PIK3R3: variants seen among roughly 807,000 people sequenced by gnomAD.
PIK3R3 encodes phosphatidylinositol 3-kinase regulatory subunit gamma.
A neutral mutation model predicts 62.9 loss-of-function variants in PIK3R3; 64 were observed. The ratio of observed to expected loss-of-function variants is 1.02; its 90% CI spans 0.83 to 1.25. The LOEUF (loss-of-function observed/expected upper bound fraction) is 1.25. PIK3R3 is among the 50% of genes most tolerant of loss of function. The probability of loss-of-function intolerance (pLI) is 0.00; values close to 1 mark genes in which losing one functional copy is unlikely to be tolerated. For missense variants in PIK3R3, 614 were observed against 561.6 expected, an observed-to-expected ratio of 1.09 and a Z score of -0.94; for synonymous variants, 165 against 189.0, an observed-to-expected ratio of 0.87 and a Z score of 1.04.
intron 1 of PIK3R3, chr1:46,105,177 C>A: frequency 3.3e-6 from 2 of 613,276 alleles, no homozygotes; most frequent in Admixed American, 2.3e-5. Context: ...GATCAGTAAT[C>A]ATCCCAGCTG....
the PIK3R3 span, among the ~76,000 whole-genome samples, chr1:46,152,640 G>A: frequency 7.0e-6 from 1 of 143,590 alleles, no homozygotes; most frequent in Non-Finnish European, 1.5e-5. Context: ...TCTGCTCACT[G>A]CAAGCTCCGC....
intron 1 of PIK3R3, among the ~76,000 whole-genome samples, chr1:46,095,596 T>C (rs1486258469): frequency 1.3e-5 from 2 of 152,056 alleles, no homozygotes; most frequent in Non-Finnish European, 2.9e-5. Flanking sequence ...GTGTAGCAAA[T>C]CACCATGGCA....
chr1:46,138,474 G>T, the PIK3R3 span, among the ~76,000 whole-genome samples: 1 of 140,724 alleles, frequency 7.1e-6, no homozygotes, highest in African/African-American at 2.6e-5. Context: ...AGCCTGAGTA[G>T]CATATGGAGA....
rs1364744688 is a variant in PIK3R3, at chr1:46,066,105, C to T, written c.570G>A (p.Glu190=). The T allele has an allele frequency of 6.2e-7, 1 of 1,601,632 alleles. No homozygotes were observed. Among genetic ancestry groups the T allele is most frequent in the South Asian group, 1.1e-5 (1 of 90,850 alleles). Residue 190 remains glutamate (E), a synonymous_variant, in exon 5 of 10, where the codon GAG becomes GAA. Transcript: ENST00000262741. ...KLQEYHSQYQ[E]KSKEYDRLYE... The stretch of plus-strand genomic sequence containing the variant: ...ACAGCCTATCATACTCTTTACTCTT[C>T]TCCTGATACTGAGAGTGGTATTCTT...
chr1:46,159,088 AAAATAAAT>A, the PIK3R3 span, among the ~76,000 whole-genome samples: 734 of 148,488 alleles, frequency 4.9e-3, 3 homozygotes, highest in East Asian at 0.026. Context: ...CTCCATCTCA[AAAATAAAT>A]AAATAAATAA....
At chr1:46,165,751 CTTTTTTTTTTTTTTTTTTTTTT>C in the PIK3R3 span, among the ~76,000 whole-genome samples, 6 of 39,554 alleles carry the variant, frequency 1.5e-4, 1 homozygote, top group Admixed American at 8.6e-4. Flanking sequence ...CTGCTTTGTC[CTTTTTTTTTTTTTTTTTTTTTT>C]TTTTTTTTTT....
chr1:46,059,927 C>T (rs1229089451), intron 6 of PIK3R3, among the ~76,000 whole-genome samples: 7 of 151,778 alleles, frequency 4.6e-5, no homozygotes, highest in African/African-American at 1.5e-4. Context: ...TGATGAAACC[C>T]TATCTCTACT....
intron 1 of PIK3R3, among the ~76,000 whole-genome samples, chr1:46,111,116 A>T (rs1305938583): frequency 2.0e-5 from 3 of 152,146 alleles, no homozygotes; most frequent in African/African-American, 7.2e-5. Flanking sequence ...ACCTTCACAA[A>T]AGATGTATAG....
rs33975572 is a variant in PIK3R3 at position 46,102,803 on chromosome 1, TAAAAAAAAAAAAAAA to T, written c.107-22068_107-22054del. On this transcript the variant is annotated intron_variant, in intron 1 of 9. Coordinates refer to ENST00000262741, the MANE Select transcript of PIK3R3 (RefSeq NM_003629.4). ...TCCTTCTTATTCTGGGTATATATCTTAAAAAAAAAAAAAAAAAAAAAAAAAAAACCTGAAAGCAGA... is the reference window on the plus strand; with the variant it reads ...TCCTTCTTATTCTGGGTATATATCTTAAAAAAAAAAAAACCTGAAAGCAGA... Among the ~76,000 whole-genome samples the T allele has an allele frequency of 1.6e-4, 9 of 55,770 alleles. No homozygotes were observed. The South Asian group carries it at 2.8e-3, about 17-fold the overall frequency. 36.6% of individuals were successfully genotyped at this position (55,770 alleles called of 152,430 possible). A position where few individuals can be genotyped will look rare whatever the true frequency, so the allele number is the denominator to read the frequency against.
chr1:46,052,647 A>G (rs183833057), intron 7 of PIK3R3, among the ~76,000 whole-genome samples: 2 of 152,146 alleles, frequency 1.3e-5, no homozygotes, highest in East Asian at 3.9e-4. Flanking sequence ...ATAAATAATC[A>G]CTATTTTTAA....
At chr1:46,101,942 A>C (rs1198705700) in intron 1 of PIK3R3, among the ~76,000 whole-genome samples, 3 of 151,262 alleles carry the variant, frequency 2.0e-5, no homozygotes, top group Admixed American at 6.6e-5. Flanking sequence ...AACTTTAAAA[A>C]ATTAACAATG....
chr1:46,136,011 C>T (rs116815628), upstream of PIK3R3, among the ~76,000 whole-genome samples: 936 of 122,558 alleles, frequency 7.6e-3, 5 homozygotes, highest in Middle Eastern at 0.01. Flanking sequence ...GCCTGGACAA[C>T]AGGGCGAGAC....
At chr1:46,098,133 CCCATT>C (rs1255452393) in intron 1 of PIK3R3, among the ~76,000 whole-genome samples, 1 of 152,086 alleles carries the variant, frequency 6.6e-6, no homozygotes, top group Non-Finnish European at 1.5e-5. Context: ...TAAAAAAAAT[CCCATT>C]CCAACAAGCA....
At chr1:46,077,151 T>C (rs1398950324) in intron 3 of PIK3R3, among the ~76,000 whole-genome samples, 1 of 152,228 alleles carries the variant, frequency 6.6e-6, no homozygotes, top group Admixed American at 6.5e-5. Flanking sequence ...AGTTCTGCTT[T>C]CTAAAGTCTG....
the PIK3R3 span, among the ~76,000 whole-genome samples, chr1:46,151,151 C>G: frequency 6.6e-6 from 1 of 152,192 alleles, no homozygotes; most frequent in Admixed American, 6.6e-5. Flanking sequence ...TTGATCCCCA[C>G]CAATGTACCT....
chr1:46,118,958 T>C lies in PIK3R3; in HGVS notation c.106+12889A>G, dbSNP rs572945521. Reference sequence around the variant, plus strand: ...AGAGATGCTCCTGCCTCAGGGTAGGTCATCTGATATCCTCTACCTGGAACC... The same window carrying C: ...AGAGATGCTCCTGCCTCAGGGTAGGCCATCTGATATCCTCTACCTGGAACC... On this transcript the variant is annotated intron_variant, in intron 1 of 9. Transcript: ENST00000262741. Among the ~76,000 whole-genome samples, 6 of 152,052 alleles carry C rather than the reference T, an allele frequency of 3.9e-5. No homozygotes were observed. The South Asian group carries it at 1.2e-3, about 32-fold the overall frequency.
At chr1:46,130,892 T>C (rs1383930428) in intron 1 of PIK3R3, among the ~76,000 whole-genome samples, 1 of 152,148 alleles carries the variant, frequency 6.6e-6, no homozygotes, top group Non-Finnish European at 1.5e-5. Flanking sequence ...CTAATAATCA[T>C]AAAATGGGGT....
At chr1:46,153,553 G>T in the PIK3R3 span, among the ~76,000 whole-genome samples, 1 of 152,182 alleles carries the variant, frequency 6.6e-6, no homozygotes, top group Non-Finnish European at 1.5e-5. Flanking sequence ...CCTCCTTAAG[G>T]CTGGTGTGAC....
Position 46,042,821 on chromosome 1 carries a change from A to C in PIK3R3, c.*852T>G. 2 of 196,438 alleles carry C rather than the reference A, an allele frequency of 1.0e-5. No homozygotes were observed. Among genetic ancestry groups the C allele is most frequent in the Non-Finnish European group, 2.1e-5 (2 of 94,296 alleles). The allele number at this position is 196,438 out of a possible 1,614,324, so 12.2% of individuals were successfully genotyped here. ...ATGATTCAAAGCTCACCATCCCCAC[A>C]AAAAGAATGCTATTCCTCATCTCAG... On this transcript the variant is annotated 3_prime_UTR_variant, in exon 10 of 10. Transcript: ENST00000262741. The surrounding 1 kb of genome is among the most constrained non-coding windows in gnomAD (Gnocchi z 4.3).
Sources: allele counts gnomAD v4.1 joint callset (sites outside exome capture counted in the v4.1 genomes callset), GRCh38; gene constraint gnomAD v4.1.1; non-coding constraint Gnocchi (gnomAD v3.1); transcripts MANE v1.5; gene names NCBI Gene and HGNC (gene_info 2026-07-23, HGNC 2026-07-21).